PCDHA7: variants seen among roughly 807,000 people sequenced by gnomAD.
The protein encoded by PCDHA7 is protocadherin alpha 7, also known as protocadherin alpha-7.
A neutral mutation model predicts 57.2 loss-of-function variants in PCDHA7; 37 were observed. The ratio of observed to expected loss-of-function variants is 0.65; its 90% CI spans 0.50 to 0.85. PCDHA7 has a LOEUF of 0.85. Ranked by LOEUF, PCDHA7 falls within the 40% of genes least tolerant of loss-of-function variation. The probability of loss-of-function intolerance (pLI) is 0.00; values close to 1 mark genes in which losing one functional copy is unlikely to be tolerated. For missense variants in PCDHA7, 1,188 were observed against 1,241.8 expected, an observed-to-expected ratio of 0.96 and a Z score of 0.65; for synonymous variants, 553 against 558.8, an observed-to-expected ratio of 0.99 and a Z score of 0.15.
chr5:140,874,158 G>T (rs986617459), intron 1 of PCDHA7, among the ~76,000 whole-genome samples: 8 of 152,108 alleles, frequency 5.3e-5, no homozygotes, highest in African/African-American at 1.7e-4. Context: ...GCCATTCTTG[G>T]TTACTCTTTC....
At chr5:140,986,458 A>G (rs1199378141) in intron 3 of PCDHA7, among the ~76,000 whole-genome samples, 1 of 152,166 alleles carries the variant, frequency 6.6e-6, no homozygotes, top group Admixed American at 6.5e-5. Flanking sequence ...GTTTTAATGA[A>G]TGCCCTCTTG....
chr5:140,836,445 G>A lies in PCDHA7; in HGVS notation c.2062G>A (p.Gly688Ser). 5 of 1,613,836 alleles carry A rather than the reference G, an allele frequency of 3.1e-6. No homozygotes were observed. Among genetic ancestry groups the A allele is most frequent in the Non-Finnish European group, 4.2e-6 (5 of 1,179,854 alleles). Residue 688 changes from glycine (G) to serine (S), a missense_variant, in exon 1 of 4, where the codon GGC (glycine) becomes AGC (serine). Physicochemically the swap from Gly to Ser is moderately conservative, Grantham distance 56. Around this residue, in one of 3 missense-constraint regions of PCDHA7, gnomAD observed 892 missense variants for 788.5 expected, o/e 1.13. Transcript: ENST00000525929. ...GTCGCGGGCATCGTTGGGCATTGCAGGCCCAGAGACCGAGCTGGTGGATGT... is the reference window on the plus strand; with the variant it reads ...GTCGCGGGCATCGTTGGGCATTGCAAGCCCAGAGACCGAGCTGGTGGATGT... ...ASSRASLGIA[G>S]PETELVDVNV... is the part of the protein sequence containing the mutation.
intron 1 of PCDHA7, chr5:140,877,656 C>T (rs782196097): frequency 4.3e-6 from 7 of 1,613,442 alleles, no homozygotes; most frequent in African/African-American, 4.0e-5. Flanking sequence ...CGCCGCCCAC[C>T]GTGAGCCGGT....
chr5:140,957,792 T>C (rs148659760), intron 1 of PCDHA7, among the ~76,000 whole-genome samples: 1 of 152,230 alleles, frequency 6.6e-6, no homozygotes, highest in East Asian at 1.9e-4. Flanking sequence ...TCATCATATA[T>C]GTTAAGTAAA....
Position 140,870,311 on chromosome 5 carries a change from A to C in PCDHA7, c.2355+33573A>C, listed in dbSNP as rs143855054. The C allele has an allele frequency of 1.9e-6, 3 of 1,614,154 alleles. No homozygotes were observed. In the African/African-American group the frequency reaches 4.0e-5, roughly 22 times the overall value. On this transcript the variant is annotated intron_variant, in intron 1 of 3. Transcript: ENST00000525929. ...AAGCTGGTGTCCACCTTCAAGAATT[A>C]CTACTCGTTGGTGCTGGACAGCGCC...
At chr5:140,917,278 C>T (rs188364646) in intron 1 of PCDHA7, among the ~76,000 whole-genome samples, 198 of 143,570 alleles carry the variant, frequency 1.4e-3, no homozygotes, top group South Asian at 9.8e-3. Flanking sequence ...TTTGTAATGA[C>T]GCTTTTCCGT....
At chr5:141,003,968 G>A (rs1262948428) in intron 3 of PCDHA7, among the ~76,000 whole-genome samples, 1 of 152,148 alleles carries the variant, frequency 6.6e-6, no homozygotes, top group Non-Finnish European at 1.5e-5. Flanking sequence ...GGAGCATAAG[G>A]GAGGGGACTT....
At position 140,966,710 on chromosome 5, in the gene PCDHA7, G is replaced by T. The variant is rs552888876; in HGVS notation, c.2356-12239G>T. The T allele has an allele frequency of 2.9e-6, 4 of 1,391,664 alleles. No individual in the cohort carries two copies. In the South Asian group the frequency reaches 6.5e-5, roughly 23 times the overall value. The allele number at this position is 1,391,664 out of a possible 1,614,324, so 86.2% of individuals were successfully genotyped here. A position where few individuals can be genotyped will look rare whatever the true frequency, so the allele number is the denominator to read the frequency against. On this transcript the variant is annotated intron_variant, in intron 1 of 3. Transcript: ENST00000525929. ...AGGCGGGGCCCGGGCGTGGGGCACG[G>T]CTGGGGAAGCTGCCGCCTCCGGCCC...
chr5:140,863,411 T>G, intron 1 of PCDHA7: 4 of 754,032 alleles, frequency 5.3e-6, no homozygotes, highest in African/African-American at 1.8e-5. Context: ...CCCACGCTGG[T>G]GTACCGCAGC....
chr5:140,882,676 C>T (rs1458440894), intron 1 of PCDHA7: 18 of 1,614,060 alleles, frequency 1.1e-5, no homozygotes, highest in Admixed American at 3.3e-5. Context: ...TCCCTGAAAG[C>T]AAGAAACGAA....
intron 1 of PCDHA7, among the ~76,000 whole-genome samples, chr5:140,945,952 G>A (rs2093866662): frequency 6.6e-6 from 1 of 151,910 alleles, no homozygotes; most frequent in African/African-American, 2.4e-5. Context: ...ATATGACCCT[G>A]AAAGCACAGG....
Position 140,882,692 on chromosome 5 carries a change from AT to A in PCDHA7, c.2355+45956del, listed in dbSNP as rs782355155. On this transcript the variant is annotated intron_variant, in intron 1 of 3. Coordinates refer to ENST00000525929, the MANE Select transcript of PCDHA7 (RefSeq NM_018910.3). The stretch of plus-strand genomic sequence containing the variant: ...CCCTGAAAGCAAGAAACGAATAATC[AT>A]TGCAGAATCTAGACCTCCGGAAACT... The A allele has an allele frequency of 2.1e-5, 34 of 1,614,204 alleles. No individual in the cohort carries two copies. In the South Asian group the frequency reaches 3.5e-4, roughly 17 times the overall value.
intron 1 of PCDHA7, among the ~76,000 whole-genome samples, chr5:140,900,094 G>A (rs546671178): frequency 3.6e-4 from 55 of 152,150 alleles, no homozygotes; most frequent in East Asian, 2.3e-3. Context: ...ACAAGCATGC[G>A]CCACCATACC....
chr5:140,838,122 GTGTGTGTGTT>G (rs1205252659), intron 1 of PCDHA7, among the ~76,000 whole-genome samples: 1 of 144,084 alleles, frequency 6.9e-6, no homozygotes, highest in Admixed American at 7.0e-5. Context: ...GTGTGTGTGT[GTGTGTGTGTT>G]TGACAGAGTT....
chr5:140,848,947 G>T lies in PCDHA7; in HGVS notation c.2355+12209G>T, dbSNP rs201305186. ...GCGGAATCCAGGCCGCTTGACTCTC[G>T]GTTTCCACTAGAGGGCGCGTCCGAT... is the stretch of plus-strand genomic sequence containing the variant. On this transcript the variant is annotated intron_variant, in intron 1 of 3. Coordinates refer to ENST00000525929, the MANE Select transcript of PCDHA7 (RefSeq NM_018910.3). 2.7e-4 allele frequency: 426 copies of T among 1,606,834 alleles called. 2 individuals are homozygous for T. The highest frequency in any genetic ancestry group is 3.5e-4 in the Non-Finnish European group (408 of 1,176,678).
At chr5:140,968,563 T>G in intron 1 of PCDHA7, 1 of 1,614,204 alleles carries the variant, frequency 6.2e-7, no homozygotes, top group South Asian at 1.1e-5. Context: ...GAACTGCCCC[T>G]GCTGGCTACC....
intron 1 of PCDHA7, chr5:140,877,117 G>T (rs781979355): frequency 6.8e-6 from 11 of 1,613,720 alleles, no homozygotes; most frequent in Admixed American, 3.3e-5. Flanking sequence ...GGGCAGCAAC[G>T]TGACGCTGCA....
In PCDHA7 at chr5:140,853,104, C is replaced by T. The variant is rs1299242689; in HGVS notation, c.2355+16366C>T. 2.1e-5 allele frequency: 8 copies of T among 388,186 alleles called. 1 individual carries two copies. The highest frequency in any genetic ancestry group is 4.4e-5 in the African/African-American group (2 of 45,392). 24.0% of individuals were successfully genotyped at this position (388,186 alleles called of 1,614,324 possible). A position where few individuals can be genotyped will look rare whatever the true frequency, so the allele number is the denominator to read the frequency against. ...CCGTGTTAGTCAGGATGGTCTCGAT[C>T]TCCTGACCTCATGATCCTCCCGCCT... On this transcript the variant is annotated intron_variant, in intron 1 of 3. Coordinates refer to ENST00000525929, the MANE Select transcript of PCDHA7 (RefSeq NM_018910.3).
At chr5:140,873,113 C>T (rs2054104761) in intron 1 of PCDHA7, among the ~76,000 whole-genome samples, 1 of 152,114 alleles carries the variant, frequency 6.6e-6, no homozygotes, top group Admixed American at 6.5e-5. Flanking sequence ...TACCATTTGG[C>T]ACAATATTCA....
Sources: allele counts gnomAD v4.1 joint callset (sites outside exome capture counted in the v4.1 genomes callset), GRCh38; gene constraint gnomAD v4.1.1; regional missense constraint gnomAD v4.1.1; transcripts MANE v1.5; gene names NCBI Gene and HGNC (gene_info 2026-07-23, HGNC 2026-07-21).